Variants in PIBF1 observed in about 807,000 individuals in gnomAD.
PIBF1 encodes the protein progesterone-induced-blocking factor 1.
A neutral mutation model predicts 112.5 loss-of-function variants in PIBF1; 90 were observed. That is an observed-to-expected ratio of 0.80 (90% CI 0.67 to 0.95). The LOEUF (loss-of-function observed/expected upper bound fraction) is 0.95. Among genes scored for constraint, PIBF1 ranks in the 40% least tolerant of loss-of-function variants. The pLI is 0.00. For missense variants in PIBF1, 915 were observed against 852.3 expected (o/e 1.07, Z -0.92); for synonymous variants, 301 against 288.6 (o/e 1.04, Z -0.44).
intron 15 of PIBF1, 51 bp downstream of exon 15, chr13:72,965,455 A>T: frequency 6.9e-7 from 1 of 1,442,714 alleles, no homozygotes; most frequent in Non-Finnish European, 9.5e-7. Flanking sequence ...TTGTTACCAT[A>T]TTGCTGCTGT....
At chr13:72,853,758 C>T (rs1168926660) in intron 9 of PIBF1, among the ~76,000 whole-genome samples, 3 of 152,124 alleles carry the variant, frequency 2.0e-5, no homozygotes, top group Non-Finnish European at 4.4e-5. Flanking sequence ...TGAATAATTA[C>T]ACCTATCTCA....
intron 14 of PIBF1, among the ~76,000 whole-genome samples, chr13:72,964,313 G>A (rs1286312948): frequency 1.3e-5 from 2 of 152,156 alleles, no homozygotes; most frequent in African/African-American, 2.4e-5. Flanking sequence ...TAAGATACAG[G>A]TTTCTAGGGC....
rs35885902 is a variant in PIBF1, at chr13:72,894,772, A to AGTGTGTGTGT, written c.1488+848_1488+857dup. On this transcript the variant is annotated intron_variant, in intron 11 of 17. Transcript: ENST00000326291. ...TAATATATATATTATATATATATAT[A>AGTGTGTGTGT]GTGTGTGTGTGTGTGTGTGTGTGTG... Among the ~76,000 whole-genome samples the AGTGTGTGTGT allele has an allele frequency of 4.7e-4, 65 of 137,208 alleles. 2 individuals are homozygous for AGTGTGTGTGT. The highest frequency in any genetic ancestry group is 4.1e-3 in the South Asian group (18 of 4,438). The allele number at this position is 137,208 out of a possible 152,430, so 90.0% of individuals were successfully genotyped here.
intron 10 of PIBF1, among the ~76,000 whole-genome samples, chr13:72,891,747 T>G (rs2040065959): frequency 6.6e-6 from 1 of 152,108 alleles, no homozygotes; most frequent in African/African-American, 2.4e-5. Flanking sequence ...ACACAAAAAC[T>G]TGTACATAAA....
At chr13:72,931,938 CTTT>C (rs59274277) in intron 14 of PIBF1, among the ~76,000 whole-genome samples, 19 of 100,800 alleles carry the variant, frequency 1.9e-4, no homozygotes, top group East Asian at 2.9e-4. Context: ...TTGTTTCTTT[CTTT>C]TTTTTTTTTT....
At chr13:72,922,071 C>T (rs2041314534) in intron 13 of PIBF1, among the ~76,000 whole-genome samples, 1 of 152,154 alleles carries the variant, frequency 6.6e-6, no homozygotes, top group South Asian at 2.1e-4. Context: ...TCTCAAACTC[C>T]TGGGCTGAAG....
chr13:72,962,805 A>T (rs1031147635), intron 14 of PIBF1, among the ~76,000 whole-genome samples: 1 of 152,208 alleles, frequency 6.6e-6, no homozygotes, highest in Non-Finnish European at 1.5e-5. Context: ...TGGAATTTCA[A>T]GGAACCCTAA....
intron 16 of PIBF1, among the ~76,000 whole-genome samples, chr13:72,988,357 G>A (rs1186759579): frequency 2.0e-5 from 3 of 151,882 alleles, no homozygotes; most frequent in Non-Finnish European, 2.9e-5. Context: ...TACTTCTTTT[G>A]AGGCAAAGAG....
At chr13:72,833,891 G>A (rs1430705570) in intron 8 of PIBF1, among the ~76,000 whole-genome samples, 2 of 152,136 alleles carry the variant, frequency 1.3e-5, no homozygotes, top group African/African-American at 4.8e-5. Context: ...GGAGCTAGGA[G>A]TTTTATCTAT....
intron 12 of PIBF1, among the ~76,000 whole-genome samples, chr13:72,911,018 TG>T (rs2040875053): frequency 6.6e-6 from 1 of 152,028 alleles, no homozygotes; most frequent in Admixed American, 6.6e-5. Context: ...AAAGCAATCT[TG>T]AAAAAAGTTG....
At chr13:72,995,873 TG>T (rs1319452707) in intron 16 of PIBF1, among the ~76,000 whole-genome samples, 2 of 150,276 alleles carry the variant, frequency 1.3e-5, no homozygotes, top group East Asian at 3.9e-4. Context: ...TGCTTGAACC[TG>T]GGAGGCGGAG....
At chr13:72,849,645 C>T (rs1196337404) in intron 9 of PIBF1, among the ~76,000 whole-genome samples, 1 of 152,148 alleles carries the variant, frequency 6.6e-6, no homozygotes, top group African/African-American at 2.4e-5. Flanking sequence ...GATTTCCCAT[C>T]TATTGGTGCC....
At chr13:72,845,499 A>G (rs2037828453) in intron 9 of PIBF1, among the ~76,000 whole-genome samples, 1 of 152,148 alleles carries the variant, frequency 6.6e-6, no homozygotes, top group South Asian at 2.1e-4. Flanking sequence ...CTTTTATAGT[A>G]GAGTGATTTA....
chr13:72,995,999 A>G (rs1477268011), intron 16 of PIBF1, among the ~76,000 whole-genome samples: 7 of 149,306 alleles, frequency 4.7e-5, no homozygotes, highest in Admixed American at 1.3e-4. Flanking sequence ...AAAATATAGG[A>G]AAAAAACATG....
intron 15 of PIBF1, among the ~76,000 whole-genome samples, chr13:72,970,064 T>C (rs2042849634): frequency 6.6e-6 from 1 of 152,194 alleles, no homozygotes; most frequent in Admixed American, 6.5e-5. Context: ...ATAAAAACTC[T>C]TTGAAGAACT....
At chr13:72,821,145 A>T (rs2036540256) in intron 5 of PIBF1, among the ~76,000 whole-genome samples, 1 of 152,178 alleles carries the variant, frequency 6.6e-6, no homozygotes, top group Non-Finnish European at 1.5e-5. Context: ...ACAATTTCAG[A>T]TCTCCATTAG....
chr13:72,832,915 A>G, intron 8 of PIBF1, among the ~76,000 whole-genome samples: 1 of 151,990 alleles, frequency 6.6e-6, no homozygotes, highest in South Asian at 2.1e-4. Context: ...AATCAAACGT[A>G]TTTTTGTCTT....
intron 12 of PIBF1, among the ~76,000 whole-genome samples, chr13:72,915,182 C>T (rs1009041166): frequency 1.3e-5 from 2 of 152,072 alleles, no homozygotes; most frequent in African/African-American, 2.4e-5. Flanking sequence ...ATATAAGGGA[C>T]TTAATCCTGT....
chr13:72,793,169 GA>G (rs2035022978), intron 3 of PIBF1, among the ~76,000 whole-genome samples: 3 of 152,110 alleles, frequency 2.0e-5, no homozygotes, highest in African/African-American at 7.2e-5. Context: ...ATTGAACTTG[GA>G]AATCATACAT....
Sources: allele counts gnomAD v4.1 joint callset (sites outside exome capture counted in the v4.1 genomes callset), GRCh38; gene constraint gnomAD v4.1.1; transcripts MANE v1.5; gene names NCBI Gene and HGNC (gene_info 2026-07-23, HGNC 2026-07-21).